The following MED12 variants were observed in gnomAD, a reference collection of about 807,000 sequenced individuals.
MED12 encodes mediator complex subunit 12.
MED12 carries 10 observed loss-of-function variants against 177.7 expected under a neutral mutation model. The ratio of observed to expected loss-of-function variants is 0.06; its 90% CI spans 0.03 to 0.10. The LOEUF is 0.10. MED12 is among the 10% of genes least tolerant of loss of function. MED12 has a pLI of 1.00. For missense variants in MED12, 867 were observed against 1,780.8 expected (o/e 0.49, Z 9.23); for synonymous variants, 641 against 678.4 (o/e 0.94, Z 0.86).
chrX:71,121,252 G>T, intron 5 of MED12, 75 bp from the exon 6 acceptor site: 1 of 1,010,209 alleles, frequency 9.9e-7, no homozygotes, highest in Non-Finnish European at 1.4e-6. Flanking sequence ...CCCAGTTGTG[G>T]TTCTCTTCAT....
intron 9 of MED12, 33 bp from the exon 10 acceptor site, chrX:71,122,705 G>C: frequency 8.3e-7 from 1 of 1,211,318 alleles, no homozygotes; most frequent in Non-Finnish European, 1.1e-6. Context: ...CCGGGCCTCT[G>C]GTTCAGTCCC....
intron 33 of MED12, among the ~76,000 whole-genome samples, chrX:71,134,057 G>A (rs1253198876): frequency 9.2e-6 from 1 of 108,849 alleles, no homozygotes; most frequent in African/African-American, 3.3e-5. Flanking sequence ...ATGAAACCCC[G>A]TCTCTACTAA....
At position 71,127,138 on chromosome X, in the gene MED12, C is replaced by T. The variant is rs2147798617; in HGVS notation, c.2849+6C>T. The T allele has an allele frequency of 8.3e-7, 1 of 1,206,480 alleles. No individual in the cohort carries two copies. The highest frequency in any genetic ancestry group is 1.1e-6 in the Non-Finnish European group (1 of 893,014). ...ATGGCACAGGTCTTTGAGGGGTAAG[C>T]AGAGCTTCGGAATAACTGAAACAAA... On this transcript the variant is annotated splice_donor_region_variant and intron_variant, in intron 20 of 44. Transcript: ENST00000374080.
intron 41 of MED12, among the ~76,000 whole-genome samples, chrX:71,138,195 G>A (rs993140520): frequency 1.8e-5 from 2 of 111,659 alleles, no homozygotes; most frequent in South Asian, 7.4e-4. Flanking sequence ...CTGACTCAAG[G>A]AAAAATCTGG....
chrX:71,141,617 C>T (rs1254949215), intron 43 of MED12, among the ~76,000 whole-genome samples: 4 of 111,533 alleles, frequency 3.6e-5, no homozygotes, highest in Non-Finnish European at 3.8e-5. Flanking sequence ...GGTGAAACCC[C>T]GTCTCTACTA....
At chrX:71,125,573 C>A in intron 16 of MED12, 78 bp downstream of exon 16, 1 of 1,180,151 alleles carries the variant, frequency 8.5e-7, no homozygotes, top group Non-Finnish European at 1.2e-6. Context: ...ATAGGGAACT[C>A]CCCAGTCATG....
At chrX:71,134,092 G>A (rs780103566) in intron 33 of MED12, among the ~76,000 whole-genome samples, 62 of 109,793 alleles carry the variant, frequency 5.6e-4, no homozygotes, top group Admixed American at 1.9e-3. Context: ...TTAGCTGGGC[G>A]TGGTGGCAGG....
Position 71,132,207 on chromosome X carries a change from G to C in MED12, c.4253+1G>C. Reference sequence around the variant, plus strand: ...GCAGCAAGACCAAGCCTGTGCTCAGGTCGGATAGAAACATGTTAGGACCCA... The same window carrying C: ...GCAGCAAGACCAAGCCTGTGCTCAGCTCGGATAGAAACATGTTAGGACCCA... On this transcript the variant is annotated splice_donor_variant, in intron 30 of 44. Coordinates refer to ENST00000374080, the MANE Select transcript of MED12 (RefSeq NM_005120.3). LOFTEE classifies it high-confidence loss of function. 1 of 1,210,637 alleles carries C rather than the reference G, an allele frequency of 8.3e-7. No individual in the cohort carries two copies. Among genetic ancestry groups the C allele is most frequent in the Non-Finnish European group, 1.1e-6 (1 of 894,581 alleles).
intron 7 of MED12, among the ~76,000 whole-genome samples, 157 bp downstream of exon 7, chrX:71,121,973 C>A (rs1349571683): frequency 3.6e-5 from 4 of 112,349 alleles, no homozygotes; most frequent in Non-Finnish European, 1.9e-5. Flanking sequence ...GTGTTAGTCC[C>A]CTTTGGGGGT....
Position 71,118,677 on chromosome X carries a change from T to G in MED12, c.-78T>G. 2 of 973,976 alleles carry G rather than the reference T, an allele frequency of 2.1e-6. No individual in the cohort carries two copies. The highest frequency in any genetic ancestry group is 2.9e-6 in the Non-Finnish European group (2 of 697,765). 80.3% of individuals were successfully genotyped at this position (973,976 alleles called of 1,213,427 possible). A position where few individuals can be genotyped will look rare whatever the true frequency, so the allele number is the denominator to read the frequency against. On this transcript the variant is annotated 5_prime_UTR_variant, in exon 1 of 45. Coordinates refer to ENST00000374080, the MANE Select transcript of MED12 (RefSeq NM_005120.3). ...CGTCCTCTCAACCACCGCCCCCCTT[T>G]TCGGCTCCCTCTCCCCCTTCCCGTT...
Position 71,130,014 on chromosome X carries a change from C to A in MED12, c.3868-21C>A, listed in dbSNP as rs926671026. On this transcript the variant is annotated intron_variant, in intron 27 of 44. Coordinates refer to ENST00000374080, the MANE Select transcript of MED12 (RefSeq NM_005120.3). ...ACCCCCTCACTGGTTGTTCCCAGTC[C>A]CTGATTGTCAGCTTCCTCAGGAATG... The A allele has an allele frequency of 1.7e-6, 2 of 1,203,368 alleles. No individual in the cohort carries two copies. The highest frequency in any genetic ancestry group is 3.5e-5 in the African/African-American group (2 of 56,983).
rs1191175227 is a variant in MED12, at chrX:71,122,739, C to T, written c.1350C>T (p.Gly450=). The part of the protein sequence containing the change: ...SFDKCQEATA[G]FTIGRVLHTL... ...CCCTTTACCACTTTTCCTCCTTAGGCTTCACCATTGGACGGGTACTTCATA... is the reference window on the plus strand; with the variant it reads ...CCCTTTACCACTTTTCCTCCTTAGGTTTCACCATTGGACGGGTACTTCATA... Residue 450 remains glycine (G), a splice_region_variant and synonymous_variant, in exon 10 of 45, where the codon GGC becomes GGT. Coordinates refer to ENST00000374080, the MANE Select transcript of MED12 (RefSeq NM_005120.3). 1 of 1,211,901 alleles carries T rather than the reference C, an allele frequency of 8.3e-7. No individual in the cohort carries two copies. Among genetic ancestry groups the T allele is most frequent in the East Asian group, 3.0e-5 (1 of 33,853 alleles).
intron 30 of MED12, 71 bp downstream of exon 30, chrX:71,132,277 G>A (rs1166477490): frequency 1.4e-5 from 16 of 1,163,177 alleles, no homozygotes; most frequent in Non-Finnish European, 1.9e-5. Context: ...GATATCAGAT[G>A]CGTGGAGATG....
In MED12 at chrX:71,129,722, G is replaced by T; in HGVS notation, c.3734G>T (p.Gly1245Val). The change falls in exon 27 of 45, where the codon GGA becomes GTA. Residue 1245 changes from glycine (G) to valine (V), a missense_variant. Physicochemically the swap from Gly to Val is moderately radical, Grantham distance 109 (BLOSUM62 -3). Coordinates refer to ENST00000374080, the MANE Select transcript of MED12 (RefSeq NM_005120.3). ...LKGSGFTVTGGTEELPEEEGG... is the reference protein window; with the variant it reads ...LKGSGFTVTGVTEELPEEEGG... ...GGTTCAGGCTTCACTGTGACAGGAGGAACAGAAGAACTTCCAGAGGAGGAG... is the reference window on the plus strand; with the variant it reads ...GGTTCAGGCTTCACTGTGACAGGAGTAACAGAAGAACTTCCAGAGGAGGAG... 2 of 1,201,217 alleles carry T rather than the reference G, an allele frequency of 1.7e-6. 1 individual carries two copies. The highest frequency in any genetic ancestry group is 3.6e-5 in the South Asian group (2 of 55,340).
chrX:71,133,355 T>C, intron 33 of MED12, 143 bp downstream of exon 33: 1 of 453,834 alleles, frequency 2.2e-6, no homozygotes, highest in South Asian at 3.1e-5. Flanking sequence ...TTTTTTGGAG[T>C]CAGAGTCTCA....
chrX:71,125,422 T>G lies in MED12; in HGVS notation c.2298T>G (p.Asp766Glu), dbSNP rs2092300429. The G allele has an allele frequency of 2.5e-6, 3 of 1,210,098 alleles. No individual in the cohort carries two copies. Among genetic ancestry groups the G allele is most frequent in the Non-Finnish European group, 1.1e-6 (1 of 894,766 alleles). The change falls in exon 16 of 45, where the codon GAT (aspartate) becomes GAG (glutamate). Residue 766 changes from aspartate (D) to glutamate (E), a missense_variant. Around this residue, in one of 14 missense-constraint regions of MED12, gnomAD observed 309 missense variants for 556.3 expected, o/e 0.56. Transcript: ENST00000374080. ...TTGGGGTGGGAAAGCAGCGAGATGA[T>G]GCCCGCCATGCCATCAAGAAAATCA... The part of the protein sequence containing the change: ...VLFGVGKQRD[D>E]ARHAIKKITK...
At chrX:71,131,659 G>A (rs2092317783) in intron 29 of MED12, 38 bp downstream of exon 29, 5 of 1,173,285 alleles carry the variant, frequency 4.3e-6, no homozygotes, top group South Asian at 3.6e-5. Context: ...CTGTGCTCAC[G>A]TTCAGCTCCA....
In MED12 at chrX:71,132,107, C is replaced by T. The variant is rs771349148; in HGVS notation, c.4154C>T (p.Ala1385Val). 3 of 1,210,342 alleles carry T rather than the reference C, an allele frequency of 2.5e-6. No individual in the cohort carries two copies. The highest frequency in any genetic ancestry group is 4.3e-5 in the Admixed American group (2 of 46,029). The change falls in exon 30 of 45, where the codon GCC becomes GTC. Residue 1385 changes from alanine to valine, a missense_variant. Ala to Val is a moderately conservative substitution (Grantham distance 64, BLOSUM62 0). Coordinates refer to ENST00000374080, the MANE Select transcript of MED12 (RefSeq NM_005120.3). ...MNSLLENIAK[A>V]TIEVFQQSAE... ...TCCCTCTTGGAGAACATCGCCAAGG[C>T]CACAATCGAGGTTTTCCAACAGTCA... is the stretch of plus-strand genomic sequence containing the variant.
In MED12 at chrX:71,129,877, C is replaced by G. The variant is rs149395528; in HGVS notation, c.3867+22C>G. On this transcript the variant is annotated intron_variant, in intron 27 of 44. Transcript: ENST00000374080. The stretch of plus-strand genomic sequence containing the variant: ...ACAGGTCAGTTTCACCTTCCTCCCA[C>G]ACCTCCTAAATGCCTCTGTGTAATA... The G allele has an allele frequency of 3.2e-4, 390 of 1,207,152 alleles. 3 individuals are homozygous for G. In the East Asian group the frequency reaches 0.01, roughly 32 times the overall value.
Sources: allele counts gnomAD v4.1 joint callset (sites outside exome capture counted in the v4.1 genomes callset), GRCh38; gene constraint gnomAD v4.1.1; regional missense constraint gnomAD v4.1.1; transcripts MANE v1.5; gene names NCBI Gene and HGNC (gene_info 2026-07-23, HGNC 2026-07-21).